The following DNAH14 variants were observed in gnomAD, a reference collection of about 807,000 sequenced individuals.
DNAH14 encodes the protein axonemal beta dynein heavy chain 14.
Under a neutral mutation model 520.9 loss-of-function variants are expected in DNAH14, and 478 were observed. The observed-to-expected ratio is 0.92, with a 90% CI of 0.85 to 0.99. DNAH14 has a LOEUF of 0.99. Ranked by LOEUF, DNAH14 falls within the 50% of genes least tolerant of loss-of-function variation. The pLI is 0.00. For synonymous variants in DNAH14, 1,581 were observed against 1,757.2 expected (o/e 0.90, Z 2.51); for missense variants, 4,831 against 5,234.5 (o/e 0.92, Z 2.38).
At chr1:224,989,384 T>C (rs1444260810) in intron 8 of DNAH14, among the ~76,000 whole-genome samples, 1 of 152,234 alleles carries the variant, frequency 6.6e-6, no homozygotes, top group African/African-American at 2.4e-5. Context: ...ATTGCTAGTA[T>C]ATAGAAACAC....
intron 43 of DNAH14, among the ~76,000 whole-genome samples, chr1:225,251,675 C>T (rs785383): frequency 0.2 from 30,150 of 151,864 alleles, 3,138 homozygotes; most frequent in East Asian, 0.37. Flanking sequence ...ATATAAATTA[C>T]GTATCAAACA....
chr1:225,389,848 G>A lies in DNAH14; in HGVS notation c.13305G>A (p.Trp4435Ter). 6.4e-7 allele frequency: 1 copy of A among 1,551,666 alleles called. No individual in the cohort carries two copies. Residue 4435 changes from tryptophan to a stop codon, truncating the protein, a stop_gained, in exon 83 of 86, where the codon TGG (tryptophan) becomes TGA (stop). Coordinates refer to ENST00000682510, the MANE Select transcript of DNAH14 (RefSeq NM_001367479.1). LOFTEE classifies it high-confidence loss of function. ...TTGAAGGGTTTCCTTCAAGATACTGGCTCCCAGCTTTCTTCTTTCCACAAG... is the reference window on the plus strand; with the variant it reads ...TTGAAGGGTTTCCTTCAAGATACTGACTCCCAGCTTTCTTCTTTCCACAAG... ...NFFEGFPSRY[W>*]LPAFFFPQAF...
intron 78 of DNAH14, 24 bp from the exon 79 acceptor site, chr1:225,377,213 G>A: frequency 7.3e-7 from 1 of 1,374,672 alleles, no homozygotes. Flanking sequence ...GAAGAAAAAA[G>A]CTAACAAAAT....
intron 21 of DNAH14, among the ~76,000 whole-genome samples, chr1:225,096,133 T>TTTGTTG (rs59833560): frequency 5.1e-4 from 77 of 150,722 alleles, no homozygotes; most frequent in South Asian, 1.9e-3. Flanking sequence ...GCCTGACTAA[T>TTTGTTG]TTGTTGTTGT....
chr1:225,192,968 T>A (rs2085639228), intron 38 of DNAH14, 57 bp downstream of exon 38: 1 of 1,317,306 alleles, frequency 7.6e-7, no homozygotes, highest in Non-Finnish European at 1.0e-6. Context: ...ATTTAATTGC[T>A]TATCCAAAGA....
intron 57 of DNAH14, among the ~76,000 whole-genome samples, chr1:225,303,997 C>CA (rs970062171): frequency 1.3e-5 from 2 of 151,572 alleles, no homozygotes; most frequent in Non-Finnish European, 2.9e-5. Context: ...AGGACAGAGA[C>CA]AGAGTAGAAC....
chr1:225,323,904 C>T (rs566619571), intron 62 of DNAH14, among the ~76,000 whole-genome samples: 19 of 152,312 alleles, frequency 1.2e-4, no homozygotes, highest in African/African-American at 4.3e-4. Flanking sequence ...CAACCTCTCA[C>T]TCCTGGGTTC....
chr1:225,324,318 G>C lies in DNAH14; in HGVS notation c.9592G>C (p.Val3198Leu), dbSNP rs1270819257. 2 of 1,551,898 alleles carry C rather than the reference G, an allele frequency of 1.3e-6. No individual in the cohort carries two copies. The highest frequency in any genetic ancestry group is 4.9e-5 in the East Asian group (2 of 40,916). Residue 3198 changes from valine to leucine, a missense_variant, in exon 63 of 86, where the codon GTT (valine) becomes CTT (leucine). Val to Leu is a conservative substitution (Grantham distance 32). Coordinates refer to ENST00000682510, the MANE Select transcript of DNAH14 (RefSeq NM_001367479.1). ...SVACCSLCQWVIALNNYHEVQ... is the reference protein window; with the variant it reads ...SVACCSLCQWLIALNNYHEVQ... ...TGCTTGTTGCTCCCTGTGCCAGTGG[G>C]TTATAGCTTTGAATAACTACCATGA...
In DNAH14 at chr1:225,266,763, A is replaced by C; in HGVS notation, c.7533A>C (p.Thr2511=). The C allele has an allele frequency of 2.0e-6, 3 of 1,508,194 alleles. No homozygotes were observed. Among genetic ancestry groups the C allele is most frequent in the Non-Finnish European group, 2.6e-6 (3 of 1,132,400 alleles). 93.4% of individuals were successfully genotyped at this position (1,508,194 alleles called of 1,614,324 possible). The stretch of plus-strand genomic sequence containing the variant: ...GAGTTTATGATACTGAAAAAAATAC[A>C]TGGAAGGTACAGTATATACTAAGAT... The part of the protein sequence containing the change: ...LGGVYDTEKN[T]WKNIQDLSIV... The change falls in exon 49 of 86, where the codon ACA becomes ACC. Residue 2511 remains threonine (T), a synonymous_variant. Transcript: ENST00000682510.
intron 27 of DNAH14, among the ~76,000 whole-genome samples, chr1:225,140,270 A>T (rs1022033333): frequency 2.0e-5 from 3 of 152,104 alleles, no homozygotes; most frequent in African/African-American, 7.2e-5. Context: ...CCCTCTTTTA[A>T]CTTCCAGAGT....
intron 35 of DNAH14, among the ~76,000 whole-genome samples, chr1:225,165,550 T>G (rs1003035678): frequency 5.9e-5 from 8 of 135,442 alleles, no homozygotes; most frequent in African/African-American, 2.4e-4. Context: ...TAGATTTTGT[T>G]TTTTTTTTTT....
intron 41 of DNAH14, among the ~76,000 whole-genome samples, chr1:225,211,641 C>T (rs1455962220): frequency 2.0e-5 from 3 of 151,972 alleles, no homozygotes; most frequent in African/African-American, 7.3e-5. Flanking sequence ...TCAAGAAATA[C>T]AGAGAACAAT....
chr1:225,378,784 G>A (rs1353429580), intron 79 of DNAH14, among the ~76,000 whole-genome samples: 4 of 151,644 alleles, frequency 2.6e-5, no homozygotes, highest in Admixed American at 1.3e-4. Context: ...GGGAGGCTGA[G>A]GCAGAGAATT....
chr1:225,340,375 TG>T, intron 68 of DNAH14, 81 bp from the exon 69 acceptor site: 1 of 1,390,784 alleles, frequency 7.2e-7, no homozygotes. Context: ...CCAGGAAAAA[TG>T]CTTTATGTAT....
chr1:225,120,420 G>A (rs183076630), intron 26 of DNAH14, among the ~76,000 whole-genome samples: 144 of 152,334 alleles, frequency 9.5e-4, no homozygotes, highest in African/African-American at 3.2e-3. Flanking sequence ...GCAAGAGGCT[G>A]CATGACCCCT....
intron 12 of DNAH14, among the ~76,000 whole-genome samples, chr1:225,041,402 A>G (rs981068): frequency 0.055 from 8,388 of 152,282 alleles, 472 homozygotes; most frequent in East Asian, 0.24. Flanking sequence ...GTAGTTTACA[A>G]TCTAGAGGAA....
At chr1:225,393,471 C>T (rs959882437) in intron 84 of DNAH14, among the ~76,000 whole-genome samples, 2 of 152,228 alleles carry the variant, frequency 1.3e-5, no homozygotes, top group Admixed American at 1.3e-4. Context: ...TGTACCCAAA[C>T]ACATCTATAC....
At chr1:225,360,571 G>T (rs915247181) in intron 74 of DNAH14, 110 bp from the exon 75 acceptor site, 1 of 1,058,028 alleles carries the variant, frequency 9.5e-7, no homozygotes. Context: ...TAGTCTTTCC[G>T]CTATGACTAT....
intron 10 of DNAH14, among the ~76,000 whole-genome samples, chr1:225,008,842 G>A (rs759907708): frequency 2.6e-5 from 4 of 151,612 alleles, no homozygotes; most frequent in Admixed American, 6.6e-5. Context: ...TCATATGTTT[G>A]TTGGCCACAT....
Sources: gnomAD v4.1 joint callset for allele counts (sites outside exome capture counted in the v4.1 genomes callset) on GRCh38, gnomAD v4.1.1 for gene constraint, MANE v1.5 for transcripts, NCBI Gene and HGNC (gene_info 2026-07-23, HGNC 2026-07-21) for gene names.